The following RAB6A variants were observed in gnomAD, a reference collection of about 807,000 sequenced individuals.
The protein encoded by RAB6A is RAB6A, member RAS oncogene family, also known as ras-related protein Rab-6A.
Under a neutral mutation model 32.3 loss-of-function variants are expected in RAB6A, and 8 were observed. That is an observed-to-expected ratio of 0.25 (90% CI 0.15 to 0.45). RAB6A has a LOEUF of 0.45. RAB6A is among the 20% of genes least tolerant of loss of function. RAB6A has a pLI of 1.00. For missense variants in RAB6A, 104 were observed against 249.4 expected (o/e 0.42, Z 3.93); for synonymous variants, 73 against 82.1 (o/e 0.89, Z 0.60).
At chr11:73,755,502 A>G (rs1423582909) in intron 1 of RAB6A, among the ~76,000 whole-genome samples, 3 of 152,144 alleles carry the variant, frequency 2.0e-5, no homozygotes, top group Admixed American at 2.0e-4. Flanking sequence ...CATGTTGCCC[A>G]GGCTGGTCTC....
intron 6 of RAB6A, among the ~76,000 whole-genome samples, chr11:73,687,873 G>A (rs1565346480): frequency 2.0e-5 from 3 of 151,764 alleles, no homozygotes; most frequent in African/African-American, 7.3e-5. Context: ...AAAAAAAGAA[G>A]TCACGGATGT....
intron 1 of RAB6A, among the ~76,000 whole-genome samples, chr11:73,741,466 C>T (rs12365044): frequency 1.8e-4 from 27 of 151,724 alleles, no homozygotes; most frequent in Non-Finnish European, 2.2e-4. Context: ...TATGATCCAG[C>T]GACCATGCTC....
intron 1 of RAB6A, among the ~76,000 whole-genome samples, chr11:73,733,827 G>A (rs1237186032): frequency 6.6e-6 from 1 of 151,966 alleles, no homozygotes; most frequent in Non-Finnish European, 1.5e-5. Context: ...GGGAGCCAAG[G>A]AATCTTCTAA....
rs1555066890 is a variant in RAB6A, at chr11:73,739,263, T to TTAAAAAAAAAAA, written c.71-8441_71-8440insTTTTTTTTTTTA. On this transcript the variant is annotated intron_variant, in intron 1 of 7. Coordinates refer to ENST00000336083, the MANE Select transcript of RAB6A (RefSeq NM_198896.2). Reference sequence around the variant, plus strand: ...GCAAAAAAAAAATAGTAATAATAATTAAAAAAAAAAAAAAAAAAAAAATAT... The same window carrying TTAAAAAAAAAAA: ...GCAAAAAAAAAATAGTAATAATAATTTAAAAAAAAAAAAAAAAAAAAAAAAAAAAAAAAATAT... Among the ~76,000 whole-genome samples, 35 of 9,386 alleles carry TTAAAAAAAAAAA rather than the reference T, an allele frequency of 3.7e-3. 2 individuals carry two copies. The highest frequency in any genetic ancestry group is 0.013 in the East Asian group (1 of 76). The allele number at this position is 9,386 out of a possible 152,430, so 6.2% of individuals were successfully genotyped here. A position where few individuals can be genotyped will look rare whatever the true frequency, so the allele number is the denominator to read the frequency against.
intron 6 of RAB6A, among the ~76,000 whole-genome samples, chr11:73,690,077 G>GC (rs1013598798): frequency 3.3e-5 from 5 of 152,120 alleles, no homozygotes; most frequent in African/African-American, 9.7e-5. Flanking sequence ...ATTTAATACA[G>GC]CATTTAATGT....
intron 6 of RAB6A, among the ~76,000 whole-genome samples, chr11:73,685,939 C>T (rs1278212485): frequency 7.1e-6 from 1 of 140,986 alleles, no homozygotes; most frequent in African/African-American, 2.6e-5. Context: ...GACAATAACT[C>T]TATCAGAGAT....
chr11:73,714,399 C>T (rs751047052), intron 5 of RAB6A, among the ~76,000 whole-genome samples: 6 of 151,802 alleles, frequency 4.0e-5, no homozygotes, highest in Non-Finnish European at 5.9e-5. Context: ...CGGTGACTCA[C>T]GCCTGTAATC....
intron 5 of RAB6A, among the ~76,000 whole-genome samples, chr11:73,714,314 C>T (rs1425903503): frequency 1.3e-5 from 2 of 151,292 alleles, no homozygotes; most frequent in Non-Finnish European, 2.9e-5. Flanking sequence ...AAGCATCCTC[C>T]TCAGATAACT....
chr11:73,723,893 C>T (rs1236199277), intron 2 of RAB6A, among the ~76,000 whole-genome samples: 1 of 152,142 alleles, frequency 6.6e-6, no homozygotes, highest in Non-Finnish European at 1.5e-5. Context: ...ATGACTCTCA[C>T]CACTCCTACC....
intron 2 of RAB6A, among the ~76,000 whole-genome samples, chr11:73,725,778 G>A (rs890022002): frequency 5.9e-5 from 9 of 152,290 alleles, no homozygotes; most frequent in East Asian, 1.9e-4. Context: ...CAAGAGGCTA[G>A]AAAGTTAAAG....
chr11:73,744,766 A>G (rs1030325159), intron 1 of RAB6A, among the ~76,000 whole-genome samples: 1 of 152,016 alleles, frequency 6.6e-6, no homozygotes, highest in African/African-American at 2.4e-5. Context: ...CATGAGGTCA[A>G]GAGATCGAGA....
At chr11:73,742,747 T>C (rs1590884816) in intron 1 of RAB6A, among the ~76,000 whole-genome samples, 1 of 151,804 alleles carries the variant, frequency 6.6e-6, no homozygotes, top group Non-Finnish European at 1.5e-5. Context: ...GAGATGGAGG[T>C]TGCAGTGAAT....
At chr11:73,694,899 C>G (rs1414543535) in intron 6 of RAB6A, among the ~76,000 whole-genome samples, 1 of 152,108 alleles carries the variant, frequency 6.6e-6, no homozygotes, top group African/African-American at 2.4e-5. Context: ...GCGTGCAATC[C>G]CAGCTACTCG....
chr11:73,739,263 T>TTTAAAAAAAAAAAAA (rs1555066890), intron 1 of RAB6A, among the ~76,000 whole-genome samples: 1 of 9,378 alleles, frequency 1.1e-4, no homozygotes, highest in Non-Finnish European at 1.9e-4. Context: ...TAATAATAAT[T>TTTAAAAAAAAAAAAA]AAAAAAAAAA....
At chr11:73,759,946 A>AGTTCG in intron 1 of RAB6A, 1 of 998,560 alleles carries the variant, frequency 1.0e-6, no homozygotes, top group Admixed American at 2.5e-5. Flanking sequence ...CAACCACCCC[A>AGTTCG]TGCTCAAGTC....
intron 6 of RAB6A, among the ~76,000 whole-genome samples, chr11:73,690,736 CG>C (rs1945541573): frequency 6.9e-6 from 1 of 145,694 alleles, no homozygotes; most frequent in East Asian, 2.0e-4. Context: ...AATCAGCAAA[CG>C]GAATTCCAGG....
intron 6 of RAB6A, among the ~76,000 whole-genome samples, chr11:73,691,578 C>T (rs1945564893): frequency 6.6e-6 from 1 of 152,234 alleles, no homozygotes; most frequent in African/African-American, 2.4e-5. Context: ...GCTCTCATTT[C>T]ATCTTTGTTA....
chr11:73,685,777 T>A (rs1590823195), intron 6 of RAB6A, among the ~76,000 whole-genome samples: 1 of 143,186 alleles, frequency 7.0e-6, no homozygotes, highest in Non-Finnish European at 1.5e-5. Context: ...CCTAGCTACT[T>A]GGGAGGGTGA....
chr11:73,750,782 G>A (rs900105254), intron 1 of RAB6A, among the ~76,000 whole-genome samples: 1 of 152,144 alleles, frequency 6.6e-6, no homozygotes, highest in East Asian at 1.9e-4. Flanking sequence ...ATGCTACTAT[G>A]AGTATGGGGG....
Sources: allele counts gnomAD v4.1 joint callset (sites outside exome capture counted in the v4.1 genomes callset), GRCh38; gene constraint gnomAD v4.1.1; transcripts MANE v1.5; gene names NCBI Gene and HGNC (gene_info 2026-07-23, HGNC 2026-07-21).